Variants in EML6 observed in about 807,000 individuals in gnomAD.
The protein encoded by EML6 is EMAP like 6, also known as echinoderm microtubule-associated protein-like 6.
In EML6, 154 loss-of-function variants were observed where a neutral mutation model predicts 240.1. The ratio of observed to expected loss-of-function variants is 0.64; its 90% confidence interval spans 0.56 to 0.73. The LOEUF (loss-of-function observed/expected upper bound fraction) is 0.73. EML6 is among the 30% of genes least tolerant of loss of function. EML6 has a pLI of 0.00. For synonymous variants in EML6, 1,148 were observed against 899.0 expected, an observed-to-expected ratio of 1.28 and a Z score of -4.95; for missense variants, 2,964 against 2,474.6, an observed-to-expected ratio of 1.20 and a Z score of -4.20.
intron 7 of EML6, among the ~76,000 whole-genome samples, chr2:54,836,960 C>T (rs961093320): frequency 5.9e-5 from 9 of 152,176 alleles, no homozygotes; most frequent in African/African-American, 2.2e-4. Context: ...AGGATCCAGG[C>T]TCCCTAGGTG....
chr2:54,852,172 T>G (rs1281276273), intron 10 of EML6, among the ~76,000 whole-genome samples: 2 of 152,230 alleles, frequency 1.3e-5, no homozygotes, highest in African/African-American at 2.4e-5. Context: ...TGGTGAAATG[T>G]GCCCATTGGG....
In EML6 at chr2:54,850,264, G is replaced by A. The variant is rs973768747; in HGVS notation, c.1444+46G>A. 2.1e-5 allele frequency: 32 copies of A among 1,516,988 alleles called. No homozygotes were observed. The East Asian group carries it at 7.4e-4, about 35-fold the overall frequency. 94.0% of individuals were successfully genotyped at this position (1,516,988 alleles called of 1,614,324 possible). A position where few individuals can be genotyped will look rare whatever the true frequency, so the allele number is the denominator to read the frequency against. On this transcript the variant is annotated intron_variant, in intron 10 of 41. Coordinates refer to ENST00000356458, the MANE Select transcript of EML6 (RefSeq NM_001039753.4). The stretch of plus-strand genomic sequence containing the variant: ...GGATGTTTCTGGAAAGCAAAATTTT[G>A]AACCAGGTGAAGGAAATACAGGACA...
chr2:54,740,285 G>A (rs1025173727), intron 2 of EML6, among the ~76,000 whole-genome samples: 1 of 152,136 alleles, frequency 6.6e-6, no homozygotes, highest in Non-Finnish European at 1.5e-5. Context: ...TTAGAAACCA[G>A]CAGATAAAGG....
In EML6 at chr2:54,928,430, A is replaced by G. The variant is rs1257526728; in HGVS notation, c.3793A>G (p.Ile1265Val). The change falls in exon 27 of 42, where the codon ATC becomes GTC. Residue 1265 changes from isoleucine (I) to valine (V), a missense_variant. Ile to Val is a conservative substitution (Grantham distance 29). Coordinates refer to ENST00000356458, the MANE Select transcript of EML6 (RefSeq NM_001039753.4). ...TVGGADTALM[I>V]WTREFVGTQE... ...GGGCGGCGCCGACACAGCCCTGATG[A>G]TCTGGACCAGGGAGTTTGTGGGGAC... 1.9e-6 allele frequency: 3 copies of G among 1,551,216 alleles called. No homozygotes were observed. Among genetic ancestry groups the G allele is most frequent in the Non-Finnish European group, 2.6e-6 (3 of 1,146,798 alleles).
rs191030126 is a variant in EML6, at chr2:54,733,437, C to T, written c.197+8179C>T. 2.2e-4 allele frequency among the ~76,000 whole-genome samples: 33 copies of T among 152,294 alleles called. No homozygotes were observed. In the South Asian group the frequency reaches 4.3e-3, roughly 20 times the overall value. On this transcript the variant is annotated intron_variant, in intron 2 of 41. Coordinates refer to ENST00000356458, the MANE Select transcript of EML6 (RefSeq NM_001039753.4). ...CAAAGAAGTACAGTTGAGAAGATTACAAGGTGACAAGAAAACCTTTTGGAA... is the reference window on the plus strand; with the variant it reads ...CAAAGAAGTACAGTTGAGAAGATTATAAGGTGACAAGAAAACCTTTTGGAA...
chr2:54,724,265 C>T lies in EML6; in HGVS notation c.-513-284C>T, dbSNP rs933429323. 6.6e-6 allele frequency among the ~76,000 whole-genome samples: 1 copy of T among 152,068 alleles called. No individual in the cohort carries two copies. Among genetic ancestry groups the T allele is most frequent in the African/African-American group, 2.4e-5 (1 of 41,404 alleles). ...GGAGGATATGATTATTAAACACACACATGAAAACTAATTGGAGCATCTAAA... is the reference window on the plus strand; with the variant it reads ...GGAGGATATGATTATTAAACACACATATGAAAACTAATTGGAGCATCTAAA... On this transcript the variant is annotated intron_variant, in intron 1 of 41. Coordinates refer to ENST00000356458, the MANE Select transcript of EML6 (RefSeq NM_001039753.4). This position sits in a 1 kb window ranked among gnomAD's most constrained non-coding sequence, Gnocchi z 5.2.
At chr2:54,741,348 C>T (rs1326124402) in intron 2 of EML6, among the ~76,000 whole-genome samples, 1 of 152,162 alleles carries the variant, frequency 6.6e-6, no homozygotes, top group Non-Finnish European at 1.5e-5. Flanking sequence ...AATGAGCCCA[C>T]TCCTAAGGAT....
chr2:54,928,887 G>A (rs17046500), intron 28 of EML6, 136 bp downstream of exon 28: 18,015 of 1,053,678 alleles, frequency 0.017, 233 homozygotes, highest in African/African-American at 0.052. Context: ...GTCTTCACCT[G>A]TACACAGGCT....
rs537750887 is a variant in EML6, at chr2:54,916,877, C to G, written c.3617C>G (p.Ser1206Cys). Residue 1206 changes from serine (S) to cysteine (C), a missense_variant, in exon 26 of 42, where the codon TCC becomes TGC. Coordinates refer to ENST00000356458, the MANE Select transcript of EML6 (RefSeq NM_001039753.4). ...GCTGCCAGTCTTACCAAAGACTGTT[C>G]CCTTTTAGCCACCGGAGATGATTTT... Reference protein sequence around the residue: ...VNAASLTKDCSLLATGDDFGF... With the variant: ...VNAASLTKDCCLLATGDDFGF... The G allele has an allele frequency of 8.9e-5, 138 of 1,549,390 alleles. No homozygotes were observed. In the African/African-American group the frequency reaches 1.7e-3, roughly 19 times the overall value.
intron 9 of EML6, among the ~76,000 whole-genome samples, chr2:54,848,764 G>T (rs1367605591): frequency 1.3e-5 from 2 of 152,162 alleles, no homozygotes; most frequent in Non-Finnish European, 2.9e-5. Flanking sequence ...AACAACCCCA[G>T]TGAGCTTTCC....
rs541958277 is a variant in EML6 at position 54,796,335 on chromosome 2, T to G, written c.198-16897T>G. 3.4e-4 allele frequency among the ~76,000 whole-genome samples: 52 copies of G among 152,206 alleles called. 1 individual carries two copies. Among genetic ancestry groups the G allele is most frequent in the African/African-American group, 1.1e-3 (47 of 41,514 alleles). On this transcript the variant is annotated intron_variant, in intron 2 of 41. Transcript: ENST00000356458. ...ACTCATTACTCTCAAAATAACACAA[T>G]AGGAGCCTAAAGAAGCTAAATGACC...
intron 2 of EML6, among the ~76,000 whole-genome samples, chr2:54,749,968 C>G (rs913938078): frequency 1.3e-5 from 2 of 152,204 alleles, no homozygotes; most frequent in African/African-American, 2.4e-5. Context: ...AACTAGCCCT[C>G]TTCTAAGAAT....
rs538476772 is a variant in EML6, at chr2:54,927,573, C to G, written c.3676-740C>G. Among the ~76,000 whole-genome samples the G allele has an allele frequency of 8.5e-5, 13 of 152,234 alleles. No individual in the cohort carries two copies. In the South Asian group the frequency reaches 2.7e-3, roughly 32 times the overall value. ...GTGGCTCATGAGCTGAATATGGAAG[C>G]TTTTTCTGGTGCCAGCTTTGATTTT... On this transcript the variant is annotated intron_variant, in intron 26 of 41. Transcript: ENST00000356458.
chr2:54,960,593 T>C (rs1010704424), intron 35 of EML6, among the ~76,000 whole-genome samples: 1 of 152,180 alleles, frequency 6.6e-6, no homozygotes, highest in African/African-American at 2.4e-5. Flanking sequence ...GGGTCACATA[T>C]TTATACATGA....
chr2:54,899,565 A>G, intron 21 of EML6, 76 bp from the exon 22 acceptor site: 4 of 1,433,178 alleles, frequency 2.8e-6, no homozygotes, highest in Non-Finnish European at 3.8e-6. Flanking sequence ...TGGACTGAAT[A>G]TGTAGCACCA....
Position 54,820,393 on chromosome 2 carries a change from G to C in EML6, c.457-1G>C. On this transcript the variant is annotated splice_acceptor_variant, in intron 4 of 41. Coordinates refer to ENST00000356458, the MANE Select transcript of EML6 (RefSeq NM_001039753.4). LOFTEE classifies it high-confidence loss of function. The stretch of plus-strand genomic sequence containing the variant: ...ATGGCAACTTTTAATGTTTTGAACA[G>C]ATTTTTGATATTTCCTGGGATCCAT... 6.5e-7 allele frequency: 1 copy of C among 1,547,560 alleles called. No homozygotes were observed. The highest frequency in any genetic ancestry group is 8.7e-7 in the Non-Finnish European group (1 of 1,144,084).
At chr2:54,759,793 T>A (rs185315802) in intron 2 of EML6, among the ~76,000 whole-genome samples, 1 of 152,032 alleles carries the variant, frequency 6.6e-6, no homozygotes, top group African/African-American at 2.4e-5. Context: ...TAGGCTGTGC[T>A]AAGGTGATCC....
In EML6 at chr2:54,903,128, A is replaced by G; in HGVS notation, c.3209A>G (p.Asp1070Gly). ...NDGSFLVVNA[D>G]TVEDMVSFHH... ...GGGAGTTTCCTGGTGGTAAATGCTG[A>G]CACTGTTGAAGACATGGTCTCTTTC... Residue 1070 changes from aspartate (D) to glycine (G), a missense_variant, in exon 23 of 42, where the codon GAC (aspartate) becomes GGC (glycine). Physicochemically the swap from Asp to Gly is moderately conservative, Grantham distance 94. Coordinates refer to ENST00000356458, the MANE Select transcript of EML6 (RefSeq NM_001039753.4). 1 of 1,551,874 alleles carries G rather than the reference A, an allele frequency of 6.4e-7. No individual in the cohort carries two copies. Among genetic ancestry groups the G allele is most frequent in the African/African-American group, 1.4e-5 (1 of 73,174 alleles).
In EML6 at chr2:54,774,249, G is replaced by A. The variant is rs1024486258; in HGVS notation, c.198-38983G>A. On this transcript the variant is annotated intron_variant, in intron 2 of 41. Transcript: ENST00000356458. This position sits in a 1 kb window ranked among gnomAD's most constrained non-coding sequence, Gnocchi z 4.1. Reference sequence around the variant, plus strand: ...GCAGCTCTGAGACGAAGTTCAGCTTGCAAAATGTTTATTGGATCAGTAGTG... The same window carrying A: ...GCAGCTCTGAGACGAAGTTCAGCTTACAAAATGTTTATTGGATCAGTAGTG... Among the ~76,000 whole-genome samples, 5 of 152,190 alleles carry A rather than the reference G, an allele frequency of 3.3e-5. No homozygotes were observed. The highest frequency in any genetic ancestry group is 7.2e-5 in the African/African-American group (3 of 41,436).
Sources: allele counts gnomAD v4.1 joint callset (sites outside exome capture counted in the v4.1 genomes callset), GRCh38; gene constraint gnomAD v4.1.1; non-coding constraint Gnocchi (gnomAD v3.1); transcripts MANE v1.5; gene names NCBI Gene and HGNC (gene_info 2026-07-23, HGNC 2026-07-21).